The following FOCAD variants were observed in gnomAD, a reference collection of about 807,000 sequenced individuals.
FOCAD encodes focadhesin.
In FOCAD, 198 loss-of-function variants were observed where a neutral mutation model predicts 225.6. That is an observed-to-expected ratio of 0.88 (90% CI 0.78 to 0.99). The LOEUF (loss-of-function observed/expected upper bound fraction) is 0.99, where lower values mean the gene tolerates loss of function less well. FOCAD is among the 50% of genes least tolerant of loss of function. FOCAD has a pLI of 0.00. For synonymous variants in FOCAD, 897 were observed against 755.0 expected, an observed-to-expected ratio of 1.19 and a Z score of -3.08; for missense variants, 2,713 against 2,123.6, an observed-to-expected ratio of 1.28 and a Z score of -5.46.
intron 21 of FOCAD, among the ~76,000 whole-genome samples, chr9:20,888,096 T>A (rs193107914): frequency 6.6e-6 from 1 of 151,060 alleles, no homozygotes; most frequent in African/African-American, 2.4e-5. Context: ...TTTTTTTACT[T>A]AGTGTGTTAC....
intron 4 of FOCAD, among the ~76,000 whole-genome samples, chr9:20,722,456 C>G (rs940281108): frequency 6.6e-6 from 1 of 152,236 alleles, no homozygotes; most frequent in Non-Finnish European, 1.5e-5. Flanking sequence ...CCTGTCCAGA[C>G]ACTTCCCACT....
intron 2 of FOCAD, chr9:20,716,260 T>C: frequency 2.8e-6 from 1 of 352,010 alleles, no homozygotes. Context: ...CAGTTTTATT[T>C]TTCTGTGCCT....
At chr9:20,931,602 T>C (rs1564169105) in intron 27 of FOCAD, among the ~76,000 whole-genome samples, 1 of 152,212 alleles carries the variant, frequency 6.6e-6, no homozygotes, top group East Asian at 1.9e-4. Context: ...CCCAATGTGG[T>C]CCTTTAATGG....
chr9:20,700,887 A>T (rs1165413083), intron 1 of FOCAD, among the ~76,000 whole-genome samples: 1 of 152,204 alleles, frequency 6.6e-6, no homozygotes, highest in Non-Finnish European at 1.5e-5. Flanking sequence ...CAGACCCTGA[A>T]GGGGGTGAAC....
At chr9:20,747,315 G>A (rs28417779) in intron 5 of FOCAD, among the ~76,000 whole-genome samples, 2,634 of 152,154 alleles carry the variant, frequency 0.017, 73 homozygotes, top group African/African-American at 0.06. Flanking sequence ...TTTTCTAAGG[G>A]AAATCCAAGT....
At chr9:20,722,170 G>A (rs1563914717) in intron 4 of FOCAD, among the ~76,000 whole-genome samples, 1 of 151,072 alleles carries the variant, frequency 6.6e-6, no homozygotes, top group Admixed American at 6.6e-5. Context: ...AGCCTCCTAA[G>A]TAGCTGGGAC....
chr9:20,815,274 C>G (rs1823602074), intron 11 of FOCAD, among the ~76,000 whole-genome samples: 1 of 149,932 alleles, frequency 6.7e-6, no homozygotes, highest in South Asian at 2.1e-4. Flanking sequence ...GCTGAGATTA[C>G]AGGCATGCAC....
At chr9:20,730,270 C>T (rs1247107913) in intron 4 of FOCAD, among the ~76,000 whole-genome samples, 1 of 152,098 alleles carries the variant, frequency 6.6e-6, no homozygotes, top group Non-Finnish European at 1.5e-5. Flanking sequence ...TGGTGACATT[C>T]TAATTCTATG....
At position 20,770,033 on chromosome 9, in the gene FOCAD, T is replaced by G. The variant is rs2131000230; in HGVS notation, c.701T>G (p.Val234Gly). The G allele has an allele frequency of 3.1e-6, 5 of 1,613,304 alleles. 1 individual carries two copies. Among genetic ancestry groups the G allele is most frequent in the Middle Eastern group, 3.3e-4 (2 of 6,054 alleles). Residue 234 changes from valine to glycine, a missense_variant and splice_region_variant, in exon 8 of 44, where the codon GTA becomes GGA. By Grantham distance (109) the Val-to-Gly change is moderately radical (BLOSUM62 -3). Coordinates refer to ENST00000338382, the MANE Select transcript of FOCAD (RefSeq NM_001375567.1). The part of the protein sequence containing the change: ...LCCDIVPCLQ[V>G]KDLIQTTEAM... ...TCATATAATGACTTTTTTAAACAGG[T>G]AAAAGATTTGATACAGACAACAGAG...
In FOCAD at chr9:20,878,628, T is replaced by C. The variant is rs141750927; in HGVS notation, c.2318-3243T>C. 4.0e-3 allele frequency among the ~76,000 whole-genome samples: 602 copies of C among 152,336 alleles called. 5 individuals are homozygous for C. Among genetic ancestry groups the C allele is most frequent in the African/African-American group, 0.014 (579 of 41,574 alleles). ...GGCTTCTCCAATACCAAATCTATTT[T>C]AGTCACATTTCTTCTGAAAGACAGA... On this transcript the variant is annotated intron_variant, in intron 19 of 43. Transcript: ENST00000338382.
intron 1 of FOCAD, among the ~76,000 whole-genome samples, chr9:20,688,656 G>A (rs552868544): frequency 3.3e-5 from 5 of 152,280 alleles, no homozygotes; most frequent in Middle Eastern, 3.4e-3. Context: ...GAAGGGAAAC[G>A]CTGGGAAACA....
chr9:20,758,282 T>C (rs1829246818), intron 6 of FOCAD, 91 bp downstream of exon 6: 3 of 788,796 alleles, frequency 3.8e-6, no homozygotes, highest in African/African-American at 1.8e-5. Context: ...TTTGTTTGTT[T>C]CTTTTTAGCT....
At chr9:20,680,384 C>T (rs1444510892), upstream of FOCAD, among the ~76,000 whole-genome samples, 3 of 151,982 alleles carry the variant, frequency 2.0e-5, no homozygotes, top group East Asian at 5.8e-4. Flanking sequence ...ATGGTGTAAC[C>T]CCGTCTCTAC....
At chr9:20,771,435 T>C (rs916282236) in intron 8 of FOCAD, among the ~76,000 whole-genome samples, 1 of 152,166 alleles carries the variant, frequency 6.6e-6, no homozygotes, top group Non-Finnish European at 1.5e-5. Context: ...TTAGGCAGGC[T>C]ACCACAGACT....
At chr9:20,829,053 A>G (rs1459611523) in intron 15 of FOCAD, among the ~76,000 whole-genome samples, 4 of 151,930 alleles carry the variant, frequency 2.6e-5, no homozygotes, top group Non-Finnish European at 5.9e-5. Context: ...GGCATTTGGG[A>G]TTGATTCCAT....
intron 4 of FOCAD, among the ~76,000 whole-genome samples, chr9:20,721,857 G>C (rs1380219982): frequency 1.4e-5 from 2 of 143,018 alleles, no homozygotes; most frequent in Non-Finnish European, 3.0e-5. Context: ...ATTTTGCCCT[G>C]TTCTGCCCTG....
chr9:20,892,201 A>C (rs1831672659), intron 21 of FOCAD, among the ~76,000 whole-genome samples: 1 of 152,212 alleles, frequency 6.6e-6, no homozygotes, highest in Non-Finnish European at 1.5e-5. Context: ...GGAGGTGTTC[A>C]AGGAGATGGA....
chr9:20,688,800 A>G (rs1350405103), intron 1 of FOCAD, among the ~76,000 whole-genome samples: 1 of 152,208 alleles, frequency 6.6e-6, no homozygotes, highest in Non-Finnish European at 1.5e-5. Flanking sequence ...TAGGAGAAAG[A>G]GCTAACTACA....
chr9:20,710,015 A>G (rs1824703805), intron 1 of FOCAD, among the ~76,000 whole-genome samples: 1 of 152,154 alleles, frequency 6.6e-6, no homozygotes, highest in Admixed American at 6.5e-5. Flanking sequence ...CCTGGTCCCC[A>G]AAGACATACT....
Sources: allele counts gnomAD v4.1 joint callset (sites outside exome capture counted in the v4.1 genomes callset), GRCh38; gene constraint gnomAD v4.1.1; transcripts MANE v1.5; gene names NCBI Gene and HGNC (gene_info 2026-07-23, HGNC 2026-07-21).